The following HERC1 variants were observed in gnomAD, a reference collection of about 807,000 sequenced individuals.
HERC1 encodes HECT and RLD domain containing E3 ubiquitin protein ligase family member 1.
HERC1 carries 160 observed loss-of-function variants against 554.3 expected under a neutral mutation model. The ratio of observed to expected loss-of-function variants is 0.29; its 90% CI spans 0.25 to 0.33. The LOEUF (loss-of-function observed/expected upper bound fraction) is 0.33, where lower values mean the gene tolerates loss of function less well. HERC1 is among the 10% of genes least tolerant of loss of function. The pLI is 1.00. For missense variants in HERC1, 4,919 were observed against 5,918.5 expected, an observed-to-expected ratio of 0.83 and a Z score of 5.54; for synonymous variants, 2,175 against 2,131.7, an observed-to-expected ratio of 1.02 and a Z score of -0.56.
chr15:63,816,276 A>G (rs2077490904), intron 1 of HERC1, among the ~76,000 whole-genome samples: 1 of 152,244 alleles, frequency 6.6e-6, no homozygotes, highest in Non-Finnish European at 1.5e-5. Flanking sequence ...AGAATAAAGT[A>G]CACATTGTTT....
intron 40 of HERC1, among the ~76,000 whole-genome samples, chr15:63,667,405 G>A (rs571804870): frequency 6.6e-6 from 1 of 151,918 alleles, no homozygotes; most frequent in East Asian, 1.9e-4. Context: ...AAATAAACAC[G>A]GAAGATGAGA....
intron 64 of HERC1, chr15:63,637,182 T>C (rs1238944854): frequency 1.1e-5 from 5 of 476,188 alleles, no homozygotes; most frequent in Non-Finnish European, 2.1e-5. Flanking sequence ...TTAATTTTAA[T>C]GAAATACATG....
chr15:63,721,183 AC>A (rs2073802265), intron 19 of HERC1, among the ~76,000 whole-genome samples: 1 of 152,146 alleles, frequency 6.6e-6, no homozygotes, highest in African/African-American at 2.4e-5. Flanking sequence ...TTACTATTTC[AC>A]CTCTGGTAGG....
chr15:63,712,242 G>A (rs753224887), intron 24 of HERC1, among the ~76,000 whole-genome samples: 17 of 152,176 alleles, frequency 1.1e-4, no homozygotes, highest in Admixed American at 7.9e-4. Context: ...TTCTGCACAC[G>A]TCCACTCAAA....
intron 4 of HERC1, among the ~76,000 whole-genome samples, chr15:63,757,743 T>C (rs1449155050): frequency 1.3e-5 from 2 of 152,198 alleles, no homozygotes; most frequent in Non-Finnish European, 2.9e-5. Flanking sequence ...GGAGCCTCAC[T>C]CTGTCACCCA....
intron 1 of HERC1, among the ~76,000 whole-genome samples, chr15:63,801,615 G>C (rs573084646): frequency 5.3e-5 from 8 of 152,330 alleles, no homozygotes; most frequent in South Asian, 4.1e-4. Flanking sequence ...AAAGCACATA[G>C]AGGGAGCTCA....
At chr15:63,684,919 G>A (rs945496117) in intron 34 of HERC1, among the ~76,000 whole-genome samples, 1 of 152,222 alleles carries the variant, frequency 6.6e-6, no homozygotes, top group Non-Finnish European at 1.5e-5. Flanking sequence ...TGAGGCAGGA[G>A]AATCGCTTGA....
At chr15:63,726,045 G>A (rs779766991) in intron 17 of HERC1, among the ~76,000 whole-genome samples, 1 of 152,108 alleles carries the variant, frequency 6.6e-6, no homozygotes, top group South Asian at 2.1e-4. Context: ...GCAGTGGCAT[G>A]ATCTTGGGTC....
chr15:63,672,625 G>T lies in HERC1; in HGVS notation c.7916C>A (p.Ser2639Ter). 1.2e-6 allele frequency: 2 copies of T among 1,612,978 alleles called. No homozygotes were observed. Among genetic ancestry groups the T allele is most frequent in the Non-Finnish European group, 1.7e-6 (2 of 1,179,458 alleles). ...CATAAAGGAGGTCGTGCTTGAGGCT[G>T]ATGGGCTAGTAGTAACTGGTGTCTG... Reference protein sequence around the residue: ...QAQTPVTTSPSASSTTSFMSS... With the variant: ...QAQTPVTTSP The change falls in exon 39 of 78, where the codon TCA becomes TAA. Residue 2639 changes from serine to a stop codon, truncating the protein, a stop_gained. Transcript: ENST00000443617. LOFTEE classifies it high-confidence loss of function.
At chr15:63,619,929 T>G (rs375108021) in intron 74 of HERC1, among the ~76,000 whole-genome samples, 3 of 152,218 alleles carry the variant, frequency 2.0e-5, no homozygotes, top group African/African-American at 7.2e-5. Context: ...ATTTTGTTGA[T>G]CTTTTCAAAA....
chr15:63,742,434 CAG>C (rs1241103674), intron 12 of HERC1, among the ~76,000 whole-genome samples: 2 of 152,144 alleles, frequency 1.3e-5, no homozygotes, highest in African/African-American at 4.8e-5. Flanking sequence ...CATCCGCAAA[CAG>C]AAATAGTTTT....
Position 63,727,598 on chromosome 15 carries a change from A to C in HERC1, c.3346+49T>G. On this transcript the variant is annotated intron_variant, in intron 17 of 77. Coordinates refer to ENST00000443617, the MANE Select transcript of HERC1 (RefSeq NM_003922.4). The surrounding 1 kb of genome is among the most constrained non-coding windows in gnomAD (Gnocchi z 4.3). ...AAAACACAGTGATGTGTGCAAGAGG[A>C]ACAACTTTTCTCAAAGGCATTATTT... is the stretch of plus-strand genomic sequence containing the variant. The C allele has an allele frequency of 7.1e-7, 1 of 1,400,694 alleles. No individual in the cohort carries two copies. The allele number at this position is 1,400,694 out of a possible 1,614,324, so 86.8% of individuals were successfully genotyped here.
chr15:63,794,422 A>G (rs1392269901), intron 1 of HERC1, among the ~76,000 whole-genome samples: 1 of 151,986 alleles, frequency 6.6e-6, no homozygotes, highest in Non-Finnish European at 1.5e-5. Flanking sequence ...TGAGTGATCA[A>G]CTCAATCTTT....
intron 1 of HERC1, among the ~76,000 whole-genome samples, chr15:63,812,005 T>C (rs1239123753): frequency 6.6e-6 from 1 of 152,160 alleles, no homozygotes; most frequent in African/African-American, 2.4e-5. Flanking sequence ...CCTTACAACA[T>C]AATCATTTTT....
intron 74 of HERC1, among the ~76,000 whole-genome samples, chr15:63,616,942 A>G (rs2067844231): frequency 6.6e-6 from 1 of 152,206 alleles, no homozygotes; most frequent in Admixed American, 6.5e-5. Context: ...AACTATTTTT[A>G]GAAGAACTAT....
intron 74 of HERC1, among the ~76,000 whole-genome samples, chr15:63,618,656 A>G (rs1174171743): frequency 4.6e-5 from 7 of 151,998 alleles, no homozygotes; most frequent in Admixed American, 2.0e-4. Context: ...TCTTCCATTT[A>G]TTTCTATCCT....
At chr15:63,662,703 A>G (rs1362213996) in intron 44 of HERC1, among the ~76,000 whole-genome samples, 2 of 152,200 alleles carry the variant, frequency 1.3e-5, no homozygotes, top group Non-Finnish European at 2.9e-5. Flanking sequence ...CTTGTTTTGT[A>G]ATTTATCTTT....
chr15:63,826,056 G>A (rs61293253), intron 1 of HERC1, among the ~76,000 whole-genome samples: 1,600 of 152,114 alleles, frequency 0.011, 22 homozygotes, highest in African/African-American at 0.037. Flanking sequence ...GAGCCACCAC[G>A]CCCGGCCAAA....
In HERC1 at chr15:63,635,956, C is replaced by T. The variant is rs1185508569; in HGVS notation, c.12414+5G>A. On this transcript the variant is annotated splice_donor_5th_base_variant and intron_variant, in intron 65 of 77. Coordinates refer to ENST00000443617, the MANE Select transcript of HERC1 (RefSeq NM_003922.4). ...AAAGGCAAACTTATCCATTTCCTGC[C>T]TGACCTGCACCACTTCTTCTCCTTG... is the stretch of plus-strand genomic sequence containing the variant. 12 of 1,613,394 alleles carry T rather than the reference C, an allele frequency of 7.4e-6. No homozygotes were observed. The highest frequency in any genetic ancestry group is 1.0e-5 in the Non-Finnish European group (12 of 1,179,638).
Sources: allele counts gnomAD v4.1 joint callset (sites outside exome capture counted in the v4.1 genomes callset), GRCh38; gene constraint gnomAD v4.1.1; non-coding constraint Gnocchi (gnomAD v3.1); transcripts MANE v1.5; gene names NCBI Gene and HGNC (gene_info 2026-07-23, HGNC 2026-07-21).